The following JARID2 variants were observed in gnomAD, a reference collection of about 807,000 sequenced individuals.
The protein encoded by JARID2 is jumonji and AT-rich interaction domain containing 2.
A neutral mutation model predicts 125.6 loss-of-function variants in JARID2; 21 were observed. The ratio of observed to expected loss-of-function variants is 0.17; its 90% CI spans 0.12 to 0.24. JARID2 has a LOEUF of 0.24. JARID2 is among the 10% of genes least tolerant of loss of function. The pLI is 1.00. For missense variants in JARID2, 1,303 were observed against 1,639.6 expected (o/e 0.79, Z 3.55); for synonymous variants, 736 against 661.6 (o/e 1.11, Z -1.73).
intron 1 of JARID2, among the ~76,000 whole-genome samples, chr6:15,278,816 C>T (rs1291670881): frequency 6.6e-6 from 1 of 152,134 alleles, no homozygotes; most frequent in Non-Finnish European, 1.5e-5. Flanking sequence ...CACGTGTAAT[C>T]CCAGCACTTT....
At position 15,507,403 on chromosome 6, in the gene JARID2, C is replaced by T. The variant is rs773428355; in HGVS notation, c.2718C>T (p.Leu906=). 24 of 1,613,878 alleles carry T rather than the reference C, an allele frequency of 1.5e-5. No homozygotes were observed. The African/African-American group carries it at 2.4e-4, about 16-fold the overall frequency. The part of the protein sequence containing the change: ...PNNTGSILRH[L]GAVPGVTIPW... The stretch of plus-strand genomic sequence containing the variant: ...ACACAGGGTCCATCCTGCGTCACCT[C>T]GGTGCTGTGCCTGGTAAGCCTGACT... The change falls in exon 11 of 18, where the codon CTC becomes CTT. Residue 906 remains leucine (L), a synonymous_variant. Transcript: ENST00000341776.
At chr6:15,257,169 A>G (rs940091438) in intron 1 of JARID2, among the ~76,000 whole-genome samples, 1 of 152,162 alleles carries the variant, frequency 6.6e-6, no homozygotes, top group Non-Finnish European at 1.5e-5. Context: ...GGGGATTTTC[A>G]GTTATTCATG....
At chr6:15,257,930 GTTA>G (rs1759729645) in intron 1 of JARID2, among the ~76,000 whole-genome samples, 1 of 152,196 alleles carries the variant, frequency 6.6e-6, no homozygotes, top group Admixed American at 6.5e-5. Context: ...AACACAATGT[GTTA>G]TTAGTCAGAA....
chr6:15,495,157 A>T (rs141263942), intron 6 of JARID2, among the ~76,000 whole-genome samples: 420 of 152,320 alleles, frequency 2.8e-3, no homozygotes, highest in African/African-American at 9.6e-3. Flanking sequence ...GTCTGGCAGC[A>T]GCCCATTGGG....
intron 3 of JARID2, among the ~76,000 whole-genome samples, chr6:15,441,459 G>A (rs539443760): frequency 1.3e-5 from 2 of 152,306 alleles, no homozygotes; most frequent in East Asian, 3.9e-4. Flanking sequence ...ATCTATTGGT[G>A]CATGCTGGCT....
chr6:15,428,291 T>G (rs909772402), intron 3 of JARID2, among the ~76,000 whole-genome samples: 1 of 152,210 alleles, frequency 6.6e-6, no homozygotes. Context: ...TGTTATACTT[T>G]AAGTTCTAGG....
chr6:15,260,737 G>A (rs1170697797), intron 1 of JARID2, among the ~76,000 whole-genome samples: 2 of 152,184 alleles, frequency 1.3e-5, no homozygotes, highest in Admixed American at 6.5e-5. Context: ...ATTAAAATGG[G>A]TTTTCTTTTG....
chr6:15,478,783 C>G (rs1769473729), intron 5 of JARID2, among the ~76,000 whole-genome samples: 1 of 152,010 alleles, frequency 6.6e-6, no homozygotes, highest in South Asian at 2.1e-4. Flanking sequence ...GATTCTCCTG[C>G]CTCAGCCTCC....
At chr6:15,330,374 T>G (rs1762668825) in intron 1 of JARID2, among the ~76,000 whole-genome samples, 1 of 152,266 alleles carries the variant, frequency 6.6e-6, no homozygotes, top group Admixed American at 6.5e-5. Context: ...AGCATTGGAA[T>G]GGTTAAGTTG....
chr6:15,480,021 C>T (rs1278666589), intron 5 of JARID2, among the ~76,000 whole-genome samples: 2 of 152,192 alleles, frequency 1.3e-5, no homozygotes, highest in Non-Finnish European at 2.9e-5. Context: ...AGCCAATTGA[C>T]GGAGTCTGTG....
chr6:15,395,016 T>C (rs368646544), intron 2 of JARID2, among the ~76,000 whole-genome samples: 1 of 151,792 alleles, frequency 6.6e-6, no homozygotes, highest in African/African-American at 2.4e-5. Context: ...ACAAGCTACA[T>C]AGAAATTTTT....
intron 3 of JARID2, among the ~76,000 whole-genome samples, chr6:15,447,602 C>T (rs907131561): frequency 6.6e-6 from 1 of 152,234 alleles, no homozygotes. Flanking sequence ...ACCCCAACCC[C>T]ACAGTGATTC....
intron 16 of JARID2, 126 bp from the exon 17 acceptor site, chr6:15,517,033 GGT>G: frequency 1.5e-6 from 1 of 662,660 alleles, no homozygotes; most frequent in Non-Finnish European, 2.7e-6. Context: ...CCGGGTGGTG[GGT>G]GCTGGGGCTA....
intron 3 of JARID2, among the ~76,000 whole-genome samples, chr6:15,411,507 G>A (rs1448635368): frequency 2.0e-5 from 3 of 152,106 alleles, no homozygotes; most frequent in Non-Finnish European, 4.4e-5. Context: ...CATAAGATTC[G>A]TTATTAGTAT....
Position 15,378,527 on chromosome 6 carries a change from A to G in JARID2, c.181+4275A>G, listed in dbSNP as rs74431652. Among the ~76,000 whole-genome samples, 1,143 of 152,224 alleles carry G rather than the reference A, an allele frequency of 7.5e-3. 15 individuals carry two copies. Among genetic ancestry groups the G allele is most frequent in the African/African-American group, 0.026 (1,084 of 41,514 alleles). ...CAGAGATCTGTAAACTGAAAGACCC[A>G]TCTAACTATGGGGCCTTTATGACTG... On this transcript the variant is annotated intron_variant, in intron 2 of 17. Coordinates refer to ENST00000341776, the MANE Select transcript of JARID2 (RefSeq NM_004973.4).
At chr6:15,418,266 G>A (rs573502486) in intron 3 of JARID2, among the ~76,000 whole-genome samples, 23 of 146,192 alleles carry the variant, frequency 1.6e-4, no homozygotes, top group Admixed American at 1.5e-3. Flanking sequence ...TCGCCAGGCT[G>A]GAGTGCAGTG....
chr6:15,362,838 G>T (rs1165544982), intron 1 of JARID2, among the ~76,000 whole-genome samples: 1 of 152,194 alleles, frequency 6.6e-6, no homozygotes, highest in East Asian at 1.9e-4. Context: ...GAGATTTCTG[G>T]TTTAAATAGG....
chr6:15,377,720 G>A (rs952454166), intron 2 of JARID2, among the ~76,000 whole-genome samples: 4 of 151,906 alleles, frequency 2.6e-5, no homozygotes, highest in Admixed American at 6.6e-5. Flanking sequence ...CTTTAGTAGG[G>A]ATGGGGTTTC....
At chr6:15,519,589 G>A (rs574774957) in intron 17 of JARID2, among the ~76,000 whole-genome samples, 2 of 152,308 alleles carry the variant, frequency 1.3e-5, no homozygotes, top group South Asian at 4.1e-4. Context: ...ACAGTTTTTG[G>A]TGCCGACAGA....
Sources: allele counts gnomAD v4.1 joint callset (sites outside exome capture counted in the v4.1 genomes callset), GRCh38; gene constraint gnomAD v4.1.1; transcripts MANE v1.5; gene names NCBI Gene and HGNC (gene_info 2026-07-23, HGNC 2026-07-21).